DGAT1: variants seen among roughly 807,000 people sequenced by gnomAD.
DGAT1 encodes the protein diacylglycerol O-acyltransferase 1.
Under a neutral mutation model 72.6 loss-of-function variants are expected in DGAT1, and 60 were observed. That is an observed-to-expected ratio of 0.83 (90% CI 0.67 to 1.02). The LOEUF (loss-of-function observed/expected upper bound fraction) is 1.02, where lower values mean the gene tolerates loss of function less well. Ranked by LOEUF, DGAT1 falls within the 50% of genes least tolerant of loss-of-function variation. The pLI is 0.00. For synonymous variants in DGAT1, 290 were observed against 267.5 expected, an observed-to-expected ratio of 1.08 and a Z score of -0.82; for missense variants, 592 against 670.0, an observed-to-expected ratio of 0.88 and a Z score of 1.29.
intron 16 of DGAT1, 63 bp from the exon 17 acceptor site, chr8:144,316,772 C>T (rs1423467476): frequency 1.0e-5 from 16 of 1,598,202 alleles, no homozygotes; most frequent in South Asian, 6.7e-5. Flanking sequence ...CTTCAGGGTC[C>T]CTGGGCATGG....
chr8:144,321,553 G>C (rs1817459316), intron 1 of DGAT1, 145 bp from the exon 2 acceptor site: 1 of 723,148 alleles, frequency 1.4e-6, no homozygotes, highest in Admixed American at 2.2e-5. Context: ...GCCAGGCAGA[G>C]CCACACTGTG....
At position 144,321,218 on chromosome 8, in the gene DGAT1, G is replaced by C. The variant is rs1186610757; in HGVS notation, c.288+103C>G. ...CACACCCCAGCCCACAGGGGCTCCA[G>C]CCTGGACACCCTGGGTGACAGAGCC... On this transcript the variant is annotated intron_variant, in intron 2 of 16. Coordinates refer to ENST00000528718, the MANE Select transcript of DGAT1 (RefSeq NM_012079.6). 3.5e-6 allele frequency: 4 copies of C among 1,144,402 alleles called. No homozygotes were observed. The African/African-American group carries it at 6.1e-5, about 17-fold the overall frequency. The allele number at this position is 1,144,402 out of a possible 1,614,324, so 70.9% of individuals were successfully genotyped here.
In DGAT1 at chr8:144,316,653, A is replaced by G. The variant is rs781825848; in HGVS notation, c.1368T>C (p.Ala456=). The change falls in exon 17 of 17, where the codon GCT becomes GCC. Residue 456 remains alanine (A), a synonymous_variant. Transcript: ENST00000528718. ...GTCCGATGATGAGCGACAGCCACAC[A>G]GCTGCGTTGCCATAGTTGCCCTGGA... ...RFFQGNYGNA[A]VWLSLIIGQP... The G allele has an allele frequency of 2.1e-5, 34 of 1,611,504 alleles. No homozygotes were observed. The Middle Eastern group carries it at 2.3e-3, about 110-fold the overall frequency.
intron 2 of DGAT1, among the ~76,000 whole-genome samples, chr8:144,321,045 C>G (rs2130533710): frequency 6.6e-6 from 1 of 152,288 alleles, no homozygotes; most frequent in South Asian, 2.1e-4. Flanking sequence ...ACGCCCACAC[C>G]ACATCTGCAG....
In DGAT1 at chr8:144,315,707, G is replaced by A. The variant is rs1817181798; in HGVS notation, c.*847C>T. 3 of 936,672 alleles carry A rather than the reference G, an allele frequency of 3.2e-6. No individual in the cohort carries two copies. The highest frequency in any genetic ancestry group is 2.3e-4 in the East Asian group (2 of 8,616). 58.0% of individuals were successfully genotyped at this position (936,672 alleles called of 1,614,324 possible). On this transcript the variant is annotated 3_prime_UTR_variant, in exon 17 of 17. Transcript: ENST00000528718. ...TGCCCAGCCTGGTGCCAGAAGAGCAGAGGGCAAGGCAGGCCTGGGGATCAG... is the reference window on the plus strand; with the variant it reads ...TGCCCAGCCTGGTGCCAGAAGAGCAAAGGGCAAGGCAGGCCTGGGGATCAG...
At chr8:144,319,456 C>G (rs1817381956) in intron 2 of DGAT1, among the ~76,000 whole-genome samples, 1 of 152,254 alleles carries the variant, frequency 6.6e-6, no homozygotes, top group Non-Finnish European at 1.5e-5. Flanking sequence ...AACCACACCC[C>G]AGAGACAGCC....
rs1554847407 is a variant in DGAT1 at position 144,317,824 on chromosome 8, T to TA, written c.856-3_856-2insT. ...CACCTGGAGCTGGGTGAAGAACAGC[T>TA]GGGGGGGAAACAGAGAGCAGCCAGC... is the stretch of plus-strand genomic sequence containing the variant. On this transcript the variant is annotated splice_region_variant and splice_polypyrimidine_tract_variant and intron_variant, in intron 9 of 16. Transcript: ENST00000528718. 15 of 1,610,786 alleles carry TA rather than the reference T, an allele frequency of 9.3e-6. No homozygotes were observed. Among genetic ancestry groups the TA allele is most frequent in the African/African-American group, 1.3e-5 (1 of 74,860 alleles).
At chr8:144,317,495 T>C (rs1564630846) in intron 12 of DGAT1, 49 bp downstream of exon 12, 2 of 1,613,662 alleles carry the variant, frequency 1.2e-6, no homozygotes, top group South Asian at 2.2e-5. Flanking sequence ...TTCCCCCACA[T>C]GCCACTGTCC....
Position 144,318,250 on chromosome 8 carries a change from C to T in DGAT1, c.676+11G>A. 1 of 1,612,290 alleles carries T rather than the reference C, an allele frequency of 6.2e-7. No homozygotes were observed. Among genetic ancestry groups the T allele is most frequent in the South Asian group, 1.1e-5 (1 of 91,036 alleles). The stretch of plus-strand genomic sequence containing the variant: ...CCCAGCAGGCAGCCCCAGCCCCTGG[C>T]AGCCCCTCACCAGCCTTGGCCCTGG... On this transcript the variant is annotated intron_variant, in intron 7 of 16. Transcript: ENST00000528718.
At chr8:144,317,762 A>T in intron 10 of DGAT1, 22 bp downstream of exon 10, 1 of 1,613,402 alleles carries the variant, frequency 6.2e-7, no homozygotes, top group Non-Finnish European at 8.5e-7. Flanking sequence ...AGCTACACCC[A>T]ACCCTGCCCT....
chr8:144,322,373 A>C (rs3757970), intron 1 of DGAT1, among the ~76,000 whole-genome samples: 3 of 152,072 alleles, frequency 2.0e-5, no homozygotes, highest in East Asian at 3.9e-4. Context: ...TCAACTTTGT[A>C]AGAGGAGAGG....
At position 144,315,995 on chromosome 8, in the gene DGAT1, G is replaced by A. The variant is rs946598455; in HGVS notation, c.*559C>T. 24 of 961,212 alleles carry A rather than the reference G, an allele frequency of 2.5e-5. No homozygotes were observed. The Admixed American group carries it at 7.3e-4, about 29-fold the overall frequency. 59.5% of individuals were successfully genotyped at this position (961,212 alleles called of 1,614,324 possible). A position where few individuals can be genotyped will look rare whatever the true frequency, so the allele number is the denominator to read the frequency against. ...CTCTTCCCAAGCTGAAGCTGAGCAC[G>A]GTGGGTGCAAGTTGACCATCCTGCA... On this transcript the variant is annotated 3_prime_UTR_variant, in exon 17 of 17. Transcript: ENST00000528718.
Position 144,315,236 on chromosome 8 carries a change from A to C in DGAT1, c.*1318T>G, listed in dbSNP as rs1817160336. On this transcript the variant is annotated 3_prime_UTR_variant, in exon 17 of 17. Coordinates refer to ENST00000528718, the MANE Select transcript of DGAT1 (RefSeq NM_012079.6). ...CACAGGAGCCCATGTGGGATGGAGG[A>C]GTCGGCCCCACACCCATCCCCCCAC... The C allele has an allele frequency of 2.0e-6, 2 of 985,474 alleles. No homozygotes were observed. Among genetic ancestry groups the C allele is most frequent in the Non-Finnish European group, 2.4e-6 (2 of 829,978 alleles). 61.0% of individuals were successfully genotyped at this position (985,474 alleles called of 1,614,324 possible).
chr8:144,321,283 T>C (rs1554848091), intron 2 of DGAT1, 38 bp downstream of exon 2: 1 of 1,597,274 alleles, frequency 6.3e-7, no homozygotes, highest in Admixed American at 1.7e-5. Context: ...GAGCCCCACC[T>C]GGACCTAGAC....
Position 144,326,738 on chromosome 8 carries a change from T to A in DGAT1, c.-102A>T. On this transcript the variant is annotated 5_prime_UTR_variant, in exon 1 of 17. Transcript: ENST00000528718. ...CCGGGCCCTAGACAACGGCCGCCAC[T>A]GCCCCCTGCCGGCCGCCGTAGCCCG... 1 of 967,632 alleles carries A rather than the reference T, an allele frequency of 1.0e-6. No homozygotes were observed. Among genetic ancestry groups the A allele is most frequent in the Non-Finnish European group, 1.3e-6 (1 of 788,242 alleles). The allele number at this position is 967,632 out of a possible 1,614,324, so 59.9% of individuals were successfully genotyped here. A position where few individuals can be genotyped will look rare whatever the true frequency, so the allele number is the denominator to read the frequency against.
Position 144,315,018 on chromosome 8 carries a change from C to A in DGAT1, c.*1536G>T. On this transcript the variant is annotated 3_prime_UTR_variant, in exon 17 of 17. Transcript: ENST00000528718. ...GGACAGGTGATGCGGGGCGGGCACA[C>A]TGTCTTTCTGCCAGAGCCAGCACCC... The A allele has an allele frequency of 3.0e-6, 3 of 985,428 alleles. No homozygotes were observed. The highest frequency in any genetic ancestry group is 3.6e-6 in the Non-Finnish European group (3 of 829,956). The allele number at this position is 985,428 out of a possible 1,614,324, so 61.0% of individuals were successfully genotyped here. A position where few individuals can be genotyped will look rare whatever the true frequency, so the allele number is the denominator to read the frequency against.
intron 2 of DGAT1, among the ~76,000 whole-genome samples, chr8:144,320,057 C>T (rs1817403406): frequency 1.3e-5 from 2 of 152,240 alleles, no homozygotes; most frequent in Admixed American, 1.3e-4. Flanking sequence ...GACACGTGGC[C>T]CACACTGTCA....
chr8:144,321,477 A>T, intron 1 of DGAT1, 69 bp from the exon 2 acceptor site: 1 of 1,412,606 alleles, frequency 7.1e-7, no homozygotes, highest in Admixed American at 1.7e-5. Context: ...CGCAGGATCC[A>T]GGCCCCCACC....
In DGAT1 at chr8:144,326,554, TCCGCCGCCGCAGGC is replaced by T; in HGVS notation, c.69_82del (p.Pro24ArgfsTer51). On this transcript the variant is annotated frameshift_variant, in exon 1 of 17. Transcript: ENST00000528718. LOFTEE classifies it high-confidence loss of function. The stretch of plus-strand genomic sequence containing the variant: ...CGCAGCGGCGTCCCGCACCTCCTCT[TCCGCCGCCGCAGGC>T]CCGCCGCCGCCGTGGCTCGAGGGCC... The T allele has an allele frequency of 1.6e-6, 2 of 1,262,344 alleles. No homozygotes were observed. Among genetic ancestry groups the T allele is most frequent in the Non-Finnish European group, 2.0e-6 (2 of 1,004,988 alleles). 78.2% of individuals were successfully genotyped at this position (1,262,344 alleles called of 1,614,324 possible).
Sources: gnomAD v4.1 joint callset for allele counts (sites outside exome capture counted in the v4.1 genomes callset) on GRCh38, gnomAD v4.1.1 for gene constraint, MANE v1.5 for transcripts, NCBI Gene and HGNC (gene_info 2026-07-23, HGNC 2026-07-21) for gene names.